Variants in PKP2 observed in about 807,000 individuals in gnomAD.
PKP2 encodes plakophilin 2, also known as plakophilin-2.
A neutral mutation model predicts 83.4 loss-of-function variants in PKP2; 73 were observed. The observed-to-expected ratio is 0.88, with a 90% CI of 0.72 to 1.06. The LOEUF is 1.06. Among genes scored for constraint, PKP2 ranks in the 50% least tolerant of loss-of-function variants. The pLI, the probability that PKP2 is intolerant of heterozygous loss-of-function variation, is 0.00. For missense variants in PKP2, 966 were observed against 1,065.4 expected (o/e 0.91, Z 1.30); for synonymous variants, 409 against 430.4 (o/e 0.95, Z 0.62).
chr12:32,859,986 A>G (rs1956784174), intron 4 of PKP2, among the ~76,000 whole-genome samples: 1 of 152,218 alleles, frequency 6.6e-6, no homozygotes, highest in Non-Finnish European at 1.5e-5. Flanking sequence ...ATCAAAATTA[A>G]AAATGACTCG....
intron 5 of PKP2, among the ~76,000 whole-genome samples, chr12:32,844,892 T>C (rs1204800277): frequency 1.3e-5 from 2 of 152,190 alleles, no homozygotes; most frequent in African/African-American, 4.8e-5. Flanking sequence ...AGGAAACCAA[T>C]AGACTAGATG....
At position 32,871,573 on chromosome 12, in the gene PKP2, C is replaced by A. The variant is rs528991332; in HGVS notation, c.1035-2511G>T. ...CTCTGCCTCCCAGGTTCAAGCAATT[C>A]TCCTGCCTTAGCCTCCAGAGTAGCT... On this transcript the variant is annotated intron_variant, in intron 3 of 12. Coordinates refer to ENST00000340811, the MANE Select transcript of PKP2 (RefSeq NM_001005242.3). 5.9e-5 allele frequency among the ~76,000 whole-genome samples: 9 copies of A among 152,162 alleles called. No individual in the cohort carries two copies. In the South Asian group the frequency reaches 1.9e-3, roughly 32 times the overall value.
At chr12:32,813,558 T>C (rs888580302) in intron 9 of PKP2, among the ~76,000 whole-genome samples, 2 of 152,092 alleles carry the variant, frequency 1.3e-5, no homozygotes, top group African/African-American at 2.4e-5. Context: ...GGCAGGAGGA[T>C]TGCTTGAGGC....
At chr12:32,859,454 T>A (rs1417310203) in intron 4 of PKP2, among the ~76,000 whole-genome samples, 2 of 151,246 alleles carry the variant, frequency 1.3e-5, no homozygotes, top group Non-Finnish European at 3.0e-5. Context: ...CTCAGTAACT[T>A]TTTTTTTTGT....
intron 4 of PKP2, among the ~76,000 whole-genome samples, chr12:32,860,365 A>G (rs943352032): frequency 6.6e-6 from 1 of 152,196 alleles, no homozygotes; most frequent in Non-Finnish European, 1.5e-5. Flanking sequence ...ATAATCATCC[A>G]AAAGGATTTA....
chr12:32,850,518 A>C (rs1956686032), intron 5 of PKP2, among the ~76,000 whole-genome samples: 1 of 151,866 alleles, frequency 6.6e-6, no homozygotes, highest in Non-Finnish European at 1.5e-5. Context: ...GTGAGCTGAG[A>C]TTGAGTCACT....
chr12:32,879,787 C>G (rs998964481), intron 1 of PKP2, among the ~76,000 whole-genome samples: 1 of 148,090 alleles, frequency 6.8e-6, no homozygotes, highest in African/African-American at 2.5e-5. Flanking sequence ...GCTGAGATTG[C>G]GCCATTGCAC....
chr12:32,825,222 G>A (rs1956425618), intron 6 of PKP2, among the ~76,000 whole-genome samples: 1 of 138,460 alleles, frequency 7.2e-6, no homozygotes, highest in Admixed American at 7.9e-5. Context: ...GGGCTGGAGT[G>A]CAGTGGCGCG....
chr12:32,878,442 C>T lies in PKP2; in HGVS notation c.438G>A (p.Arg146=). 1 of 1,614,092 alleles carries T rather than the reference C, an allele frequency of 6.2e-7. No homozygotes were observed. Among genetic ancestry groups the T allele is most frequent in the Non-Finnish European group, 8.5e-7 (1 of 1,179,990 alleles). ...TGCTGTCAGGAGAAATCTCCAGTCT[C>T]CTCAGAGGATGCCTCAAGGACCTTT... ...VEERSLRHPL[R]RLEISPDSSP... Residue 146 remains arginine, a synonymous_variant, in exon 3 of 13, where the codon AGG becomes AGA. Coordinates refer to ENST00000340811, the MANE Select transcript of PKP2 (RefSeq NM_001005242.3).
At position 32,878,531 on chromosome 12, in the gene PKP2, C is replaced by T; in HGVS notation, c.349G>A (p.Ala117Thr). ...TYDMLKAGTT[A>T]TYEGRWGRGT... ...CTTCCCCAGCGACCTTCATAAGTGG[C>T]AGTTGTGCCAGCCTGCACATGAGAG... Residue 117 changes from alanine to threonine, a missense_variant, in exon 3 of 13, where the codon GCC becomes ACC. Coordinates refer to ENST00000340811, the MANE Select transcript of PKP2 (RefSeq NM_001005242.3). 1 of 1,611,696 alleles carries T rather than the reference C, an allele frequency of 6.2e-7. No homozygotes were observed. The highest frequency in any genetic ancestry group is 1.1e-5 in the South Asian group (1 of 90,594).
At chr12:32,808,208 G>A (rs1462886183) in intron 9 of PKP2, among the ~76,000 whole-genome samples, 2 of 152,142 alleles carry the variant, frequency 1.3e-5, no homozygotes, top group Non-Finnish European at 2.9e-5. Flanking sequence ...ATTTCTTGGA[G>A]GTTTTGTTCA....
intron 10 of PKP2, among the ~76,000 whole-genome samples, chr12:32,796,857 T>G (rs1174735901): frequency 6.6e-6 from 1 of 152,200 alleles, no homozygotes; most frequent in Non-Finnish European, 1.5e-5. Flanking sequence ...GTCAAGAACT[T>G]AAAACATTTT....
intron 1 of PKP2, among the ~76,000 whole-genome samples, chr12:32,891,699 C>T (rs1957076423): frequency 6.6e-6 from 1 of 152,164 alleles, no homozygotes; most frequent in Admixed American, 6.5e-5. Context: ...AAGGTAATTT[C>T]CTGCGTCTTA....
intron 1 of PKP2, among the ~76,000 whole-genome samples, chr12:32,880,616 T>A (rs1956976849): frequency 1.3e-5 from 2 of 152,182 alleles, no homozygotes; most frequent in South Asian, 4.1e-4. Context: ...CAGCCCACTC[T>A]CATGAAAACA....
chr12:32,837,605 A>C (rs745638255), intron 6 of PKP2, among the ~76,000 whole-genome samples: 5 of 152,236 alleles, frequency 3.3e-5, no homozygotes, highest in Non-Finnish European at 2.9e-5. Flanking sequence ...GGTGAAATTC[A>C]AATGAGTGGT....
intron 4 of PKP2, among the ~76,000 whole-genome samples, chr12:32,856,234 G>A (rs922632833): frequency 1.3e-5 from 2 of 152,120 alleles, no homozygotes; most frequent in African/African-American, 4.8e-5. Flanking sequence ...GGGTCTTACA[G>A]ACTAAATTAA....
At chr12:32,872,998 T>A (rs909573198) in intron 3 of PKP2, among the ~76,000 whole-genome samples, 1 of 152,228 alleles carries the variant, frequency 6.6e-6, no homozygotes, top group South Asian at 2.1e-4. Context: ...TTTTCTGCTC[T>A]GCAGTGCTCT....
intron 5 of PKP2, among the ~76,000 whole-genome samples, chr12:32,842,540 G>A (rs577838314): frequency 6.3e-4 from 95 of 150,790 alleles, no homozygotes; most frequent in African/African-American, 2.2e-3. Flanking sequence ...TGCCTGGCCC[G>A]CCTCATTATC....
At chr12:32,835,468 C>T (rs1259229306) in intron 6 of PKP2, among the ~76,000 whole-genome samples, 1 of 151,534 alleles carries the variant, frequency 6.6e-6, no homozygotes, top group African/African-American at 2.4e-5. Flanking sequence ...ATACTTCTTA[C>T]TCCAAGTAAA....
Sources: allele counts gnomAD v4.1 joint callset (sites outside exome capture counted in the v4.1 genomes callset), GRCh38; gene constraint gnomAD v4.1.1; transcripts MANE v1.5; gene names NCBI Gene and HGNC (gene_info 2026-07-23, HGNC 2026-07-21).